The following GSE1 variants were observed in gnomAD, a reference collection of about 807,000 sequenced individuals.
GSE1 encodes Gse1 coiled-coil protein.
Under a neutral mutation model 112.6 loss-of-function variants are expected in GSE1, and 32 were observed. That is an observed-to-expected ratio of 0.28 (90% CI 0.21 to 0.38). The LOEUF is 0.38. Among genes scored for constraint, GSE1 ranks in the 10% least tolerant of loss-of-function variants. The pLI, the probability that GSE1 is intolerant of heterozygous loss-of-function variation, is 1.00. For synonymous variants in GSE1, 1,115 were observed against 735.6 expected, an observed-to-expected ratio of 1.52 and a Z score of -8.35; for missense variants, 2,348 against 1,699.2, an observed-to-expected ratio of 1.38 and a Z score of -6.71.
At chr16:85,485,347 C>T (rs1435015077) in intron 2 of GSE1, among the ~76,000 whole-genome samples, 5 of 152,224 alleles carry the variant, frequency 3.3e-5, no homozygotes, top group East Asian at 3.9e-4. Flanking sequence ...GGCCAGGTCC[C>T]GTGCAGCCGT....
chr16:85,430,080 C>A, intron 2 of GSE1, among the ~76,000 whole-genome samples: 1 of 152,308 alleles, frequency 6.6e-6, no homozygotes. Context: ...GGGGTTCAGT[C>A]GGAGCCCAGT....
intron 2 of GSE1, among the ~76,000 whole-genome samples, chr16:85,367,282 C>T (rs1329656653): frequency 2.0e-5 from 3 of 152,196 alleles, no homozygotes; most frequent in East Asian, 1.9e-4. Flanking sequence ...CCGATCTGAC[C>T]GAGCTCTGAT....
chr16:85,231,259 A>C lies in GSE1; in HGVS notation c.2283+59452A>C, dbSNP rs547972053. Among the ~76,000 whole-genome samples the C allele has an allele frequency of 4.0e-5, 6 of 151,448 alleles. No homozygotes were observed. The East Asian group carries it at 1.2e-3, about 30-fold the overall frequency. The stretch of plus-strand genomic sequence containing the variant: ...GATGGATAGCTGGACAGAGGGATGG[A>C]TGGATGGACAGATGAATGGATGGAT... On this transcript the variant is annotated intron_variant, in intron 1 of 2. Coordinates refer to the GSE1 transcript ENST00000637419.
intron 2 of GSE1, among the ~76,000 whole-genome samples, chr16:85,531,017 G>A (rs2044118418): frequency 6.6e-6 from 1 of 152,282 alleles, no homozygotes; most frequent in Non-Finnish European, 1.5e-5. Flanking sequence ...GCTGGGAGCA[G>A]GGGCTGATCT....
chr16:85,569,830 G>C (rs140927209), intron 1 of GSE1, among the ~76,000 whole-genome samples: 2 of 152,168 alleles, frequency 1.3e-5, no homozygotes, highest in African/African-American at 2.4e-5. Context: ...CAGTCTCTCC[G>C]GGGGGCCTTG....
intron 1 of GSE1, among the ~76,000 whole-genome samples, chr16:85,559,380 T>A (rs1226860407): frequency 6.6e-6 from 1 of 152,214 alleles, no homozygotes; most frequent in East Asian, 1.9e-4. Flanking sequence ...GGGGTCCAGG[T>A]GCAGCAGCCA....
chr16:85,445,511 G>A (rs1046180694), intron 2 of GSE1, among the ~76,000 whole-genome samples: 2 of 152,226 alleles, frequency 1.3e-5, no homozygotes, highest in African/African-American at 4.8e-5. Flanking sequence ...TTTGCGTGGC[G>A]GGCGGCTGGC....
chr16:85,433,995 A>G (rs572103864), intron 2 of GSE1, among the ~76,000 whole-genome samples: 1 of 152,282 alleles, frequency 6.6e-6, no homozygotes, highest in Non-Finnish European at 1.5e-5. Context: ...AACTAGCTCC[A>G]GCCCTAGGCC....
intron 1 of GSE1, among the ~76,000 whole-genome samples, chr16:85,565,760 G>A (rs145553793): frequency 4.6e-5 from 7 of 152,330 alleles, no homozygotes; most frequent in African/African-American, 1.7e-4. Flanking sequence ...TGGGGTGAGC[G>A]GTGCTCGAAC....
At chr16:85,670,742 C>G (rs953468622) in intron 14 of GSE1, 13 of 261,874 alleles carry the variant, frequency 5.0e-5, no homozygotes, top group Non-Finnish European at 9.3e-5. Flanking sequence ...TCTTCCTAAT[C>G]TGTATCAAAT....
intron 6 of GSE1, 56 bp from the exon 7 acceptor site, chr16:85,656,287 G>T: frequency 1.9e-6 from 3 of 1,593,992 alleles, no homozygotes; most frequent in Non-Finnish European, 2.6e-6. Context: ...GCCTGCCCCA[G>T]GTCCGTCTCT....
intron 1 of GSE1, among the ~76,000 whole-genome samples, chr16:85,290,113 G>A (rs983569856): frequency 2.6e-5 from 4 of 152,206 alleles, no homozygotes; most frequent in Admixed American, 2.6e-4. Context: ...CTTTGGTGAA[G>A]GGGAGAAGTG....
chr16:85,336,571 A>T (rs891817053), intron 1 of GSE1, among the ~76,000 whole-genome samples: 5 of 151,654 alleles, frequency 3.3e-5, no homozygotes, highest in Non-Finnish European at 5.9e-5. Flanking sequence ...GAGCATGTTC[A>T]TGTGTGCACA....
chr16:85,513,307 C>G (rs1302466408), intron 2 of GSE1, among the ~76,000 whole-genome samples: 1 of 152,190 alleles, frequency 6.6e-6, no homozygotes, highest in Non-Finnish European at 1.5e-5. Context: ...TCTAGCCTAT[C>G]TGGTTCCTCC....
At chr16:85,649,967 C>G (rs1457802901) in intron 3 of GSE1, among the ~76,000 whole-genome samples, 2 of 152,252 alleles carry the variant, frequency 1.3e-5, no homozygotes, top group East Asian at 3.9e-4. Context: ...AGTGGGAATC[C>G]CTGGGAGCTC....
At chr16:85,515,364 C>G (rs971531836) in intron 2 of GSE1, among the ~76,000 whole-genome samples, 3 of 152,228 alleles carry the variant, frequency 2.0e-5, no homozygotes, top group African/African-American at 7.2e-5. Flanking sequence ...GGCCGTGGGG[C>G]TTCCGTGCTC....
chr16:85,185,204 C>G (rs1372283191), intron 1 of GSE1: 1 of 152,236 alleles, frequency 6.6e-6, no homozygotes, highest in Non-Finnish European at 1.5e-5. Context: ...CTGAATTATT[C>G]ACATCTGGAC....
At chr16:85,537,632 C>T (rs1327927046) in intron 2 of GSE1, among the ~76,000 whole-genome samples, 1 of 152,234 alleles carries the variant, frequency 6.6e-6, no homozygotes, top group East Asian at 1.9e-4. Flanking sequence ...TCGTGCCCAG[C>T]CCCCTTCCGA....
Position 85,499,040 on chromosome 16 carries a change from CT to C in GSE1, c.2465-134869del, listed in dbSNP as rs547536328. Among the ~76,000 whole-genome samples, 514 of 152,314 alleles carry C rather than the reference CT, an allele frequency of 3.4e-3. 1 individual carries two copies. The highest frequency in any genetic ancestry group is 5.9e-3 in the Non-Finnish European group (402 of 68,026). On this transcript the variant is annotated intron_variant, in intron 2 of 2. Transcript: ENST00000637419. ...GACCTGCATTTGGTGGAAGGCAGGG[CT>C]TTTTCCAGGAGGAGTTGAGGCCAGA...
Sources: gnomAD v4.1 joint callset for allele counts (sites outside exome capture counted in the v4.1 genomes callset) on GRCh38, gnomAD v4.1.1 for gene constraint, MANE v1.5 for transcripts, NCBI Gene and HGNC (gene_info 2026-07-23, HGNC 2026-07-21) for gene names.